The following ADAT2 variants were observed in gnomAD, a reference collection of about 807,000 sequenced individuals.
ADAT2 encodes tRNA-specific adenosine-34 deaminase catalytic subunit ADAT2.
Under a neutral mutation model 25.9 loss-of-function variants are expected in ADAT2, and 26 were observed. The ratio of observed to expected loss-of-function variants is 1.00; its 90% CI spans 0.74 to 1.39. The LOEUF (loss-of-function observed/expected upper bound fraction) is 1.39. Ranked by LOEUF, ADAT2 falls within the 40% of genes most tolerant of loss-of-function variation. The pLI, the probability that ADAT2 is intolerant of heterozygous loss-of-function variation, is 0.00. For synonymous variants in ADAT2, 76 were observed against 86.8 expected, an observed-to-expected ratio of 0.88 and a Z score of 0.69; for missense variants, 220 against 244.8, an observed-to-expected ratio of 0.90 and a Z score of 0.68.
Position 143,428,729 on chromosome 6 carries a change from T to C in ADAT2, c.460-45A>G. On this transcript the variant is annotated intron_variant, in intron 4 of 5. Coordinates refer to ENST00000237283, the MANE Select transcript of ADAT2 (RefSeq NM_182503.3). This position sits in a 1 kb window ranked among gnomAD's most constrained non-coding sequence, Gnocchi z 5.0. ...GAGAATAAACATAGGCCTATGAAAA[T>C]GTGTGCTGTATCCCATAAAAACAAC... is the stretch of plus-strand genomic sequence containing the variant. 1.9e-6 allele frequency: 3 copies of C among 1,571,986 alleles called. No individual in the cohort carries two copies. Among genetic ancestry groups the C allele is most frequent in the Non-Finnish European group, 2.6e-6 (3 of 1,144,806 alleles).
In ADAT2 at chr6:143,432,206, C is replaced by T. The variant is rs9321911; in HGVS notation, c.459+299G>A. Among the ~76,000 whole-genome samples the T allele has an allele frequency of 0.28, 42,855 of 152,020 alleles. 6,289 individuals are homozygous for T. Among genetic ancestry groups the T allele is most frequent in the Admixed American group, 0.32 (4,892 of 15,276 alleles). On this transcript the variant is annotated intron_variant, in intron 4 of 5. Coordinates refer to ENST00000237283, the MANE Select transcript of ADAT2 (RefSeq NM_182503.3). The surrounding 1 kb of genome is among the most constrained non-coding windows in gnomAD (Gnocchi z 4.4). ...GTTCATTGAATAAAAACTCCAACAG[C>T]GAGAGTGTCTTCAGGCATACCTAAC...
rs781130919 is a variant in ADAT2, at chr6:143,432,498, G to A, written c.459+7C>T. On this transcript the variant is annotated splice_region_variant and intron_variant, in intron 4 of 5. Coordinates refer to ENST00000237283, the MANE Select transcript of ADAT2 (RefSeq NM_182503.3). This position sits in a 1 kb window ranked among gnomAD's most constrained non-coding sequence, Gnocchi z 4.4. Reference sequence around the variant, plus strand: ...AAGAAAGAAAAAGCATAAGCAGTTTGTATTACCTGAAATGGTCTCCCAGTG... The same window carrying A: ...AAGAAAGAAAAAGCATAAGCAGTTTATATTACCTGAAATGGTCTCCCAGTG... The A allele has an allele frequency of 6.2e-7, 1 of 1,610,908 alleles. No individual in the cohort carries two copies. The highest frequency in any genetic ancestry group is 1.7e-4 in the Middle Eastern group (1 of 6,060).
chr6:143,438,815 C>A, intron 1 of ADAT2, 121 bp from the exon 2 acceptor site: 2 of 776,456 alleles, frequency 2.6e-6, no homozygotes, highest in South Asian at 1.6e-5. Flanking sequence ...AGAAGTGCAG[C>A]CTTCCCTTTT....
chr6:143,427,096 A>AACAC lies in ADAT2; in HGVS notation c.*1363_*1366dup, dbSNP rs68003531. ...CCATAAAACTTTTCAAATGCAGTTA[A>AACAC]ACACACACACACACACACACACACA... On this transcript the variant is annotated 3_prime_UTR_variant, in exon 6 of 6. Transcript: ENST00000237283. 41,132 of 140,104 alleles carry AACAC rather than the reference A, an allele frequency of 0.29. 6,038 individuals are homozygous for AACAC. Among genetic ancestry groups the AACAC allele is most frequent in the East Asian group, 0.43 (2,040 of 4,708 alleles). 8.7% of individuals were successfully genotyped at this position (140,104 alleles called of 1,614,324 possible).
intron 1 of ADAT2, chr6:143,441,698 T>A (rs532576646): frequency 7.2e-5 from 11 of 152,286 alleles, no homozygotes; most frequent in African/African-American, 2.4e-4. Context: ...AATTTCAACA[T>A]GAAATTTGGA....
intron 1 of ADAT2, chr6:143,449,825 C>G (rs562996867): frequency 7.2e-5 from 11 of 152,356 alleles, no homozygotes; most frequent in African/African-American, 2.4e-4. Flanking sequence ...CTCCATACCA[C>G]CCTGAATGTC....
rs748747895 is a variant in ADAT2 at position 143,450,571 on chromosome 6, T to C, written c.88A>G (p.Met30Val). The C allele has an allele frequency of 3.5e-5, 56 of 1,613,976 alleles. No individual in the cohort carries two copies. Among genetic ancestry groups the C allele is most frequent in the Non-Finnish European group, 4.2e-5 (50 of 1,180,022 alleles). The change falls in exon 1 of 6, where the codon ATG becomes GTG. Residue 30 changes from methionine to valine, a missense_variant. Transcript: ENST00000237283. ...EETEKWMEEAMHMAKEALENT... is the reference protein window; with the variant it reads ...EETEKWMEEAVHMAKEALENT... ...CCTCCCGGGCTCCTCACCATGTGCATCGCCTCCTCCATCCACTTTTCGGTC... is the reference window on the plus strand; with the variant it reads ...CCTCCCGGGCTCCTCACCATGTGCACCGCCTCCTCCATCCACTTTTCGGTC...
chr6:143,450,252 T>A (rs945275478), intron 1 of ADAT2, among the ~76,000 whole-genome samples: 1 of 152,026 alleles, frequency 6.6e-6, no homozygotes, highest in Non-Finnish European at 1.5e-5. Flanking sequence ...ACTTTGTAGA[T>A]TGGAGAGTGT....
rs941595205 is a variant in ADAT2 at position 143,440,252 on chromosome 6, A to C, written c.97-1558T>G. On this transcript the variant is annotated intron_variant, in intron 1 of 5. Transcript: ENST00000237283. The surrounding 1 kb of genome is among the most constrained non-coding windows in gnomAD (Gnocchi z 4.5). ...GATTCTCACTTAAGTGCAGGTACTT[A>C]CACACATCATAGGGCATATAAAGTG... Among the ~76,000 whole-genome samples, 1 of 152,200 alleles carries C rather than the reference A, an allele frequency of 6.6e-6. No homozygotes were observed. The highest frequency in any genetic ancestry group is 6.5e-5 in the Admixed American group (1 of 15,290).
At chr6:143,438,487 A>G in intron 2 of ADAT2, 103 bp downstream of exon 2, 2 of 759,974 alleles carry the variant, frequency 2.6e-6, no homozygotes, top group Non-Finnish European at 4.3e-6. Context: ...ACTGGCAGCT[A>G]CGGGACTATA....
chr6:143,432,450 A>T lies in ADAT2; in HGVS notation c.459+55T>A. The T allele has an allele frequency of 1.3e-5, 20 of 1,493,814 alleles. No individual in the cohort carries two copies. The highest frequency in any genetic ancestry group is 1.9e-5 in the Non-Finnish European group (20 of 1,071,836). 92.5% of individuals were successfully genotyped at this position (1,493,814 alleles called of 1,614,324 possible). A position where few individuals can be genotyped will look rare whatever the true frequency, so the allele number is the denominator to read the frequency against. ...CCACACACTAGTTATTCACAAGCCC[A>T]TAAAGAGATGAAAATAATTAGCAAG... On this transcript the variant is annotated intron_variant, in intron 4 of 5. Transcript: ENST00000237283. The surrounding 1 kb of genome is among the most constrained non-coding windows in gnomAD (Gnocchi z 4.4).
intron 1 of ADAT2, among the ~76,000 whole-genome samples, chr6:143,439,836 A>AAGTAT (rs1329533810): frequency 2.6e-5 from 4 of 152,226 alleles, no homozygotes; most frequent in African/African-American, 9.6e-5. Flanking sequence ...ACTGTATATA[A>AAGTAT]AGTATACCTC....
At chr6:143,441,993 A>G (rs773717713) in intron 1 of ADAT2, 1 of 152,244 alleles carries the variant, frequency 6.6e-6, no homozygotes, top group African/African-American at 2.4e-5. Flanking sequence ...ATAGTTTGGC[A>G]GTTTCTTAAA....
At position 143,432,788 on chromosome 6, in the gene ADAT2, T is replaced by C. The variant is rs1319242505; in HGVS notation, c.353-177A>G. ...ATCCAGCTACACAGAAGAAAAGGGGTTAAAGTATTGAGAAATTGACATTTA... is the reference window on the plus strand; with the variant it reads ...ATCCAGCTACACAGAAGAAAAGGGGCTAAAGTATTGAGAAATTGACATTTA... On this transcript the variant is annotated intron_variant, in intron 3 of 5. Coordinates refer to ENST00000237283, the MANE Select transcript of ADAT2 (RefSeq NM_182503.3). The surrounding 1 kb of genome is among the most constrained non-coding windows in gnomAD (Gnocchi z 4.4). Among the ~76,000 whole-genome samples the C allele has an allele frequency of 1.3e-5, 2 of 152,048 alleles. No individual in the cohort carries two copies. Among genetic ancestry groups the C allele is most frequent in the Non-Finnish European group, 2.9e-5 (2 of 67,992 alleles).
rs1779589170 is a variant in ADAT2 at position 143,446,035 on chromosome 6, C to T, written c.96+4528G>A. Among the ~76,000 whole-genome samples the T allele has an allele frequency of 6.9e-6, 1 of 145,676 alleles. No individual in the cohort carries two copies. The highest frequency in any genetic ancestry group is 2.2e-4 in the South Asian group (1 of 4,620). On this transcript the variant is annotated intron_variant, in intron 1 of 5. Coordinates refer to ENST00000237283, the MANE Select transcript of ADAT2 (RefSeq NM_182503.3). The surrounding 1 kb of genome is among the most constrained non-coding windows in gnomAD (Gnocchi z 5.0). ...TCCTAATTATAAAGTAAGATGTGTT[C>T]AAGGTGGAGAACTTAGCGATTAAAA... is the stretch of plus-strand genomic sequence containing the variant.
chr6:143,427,149 A>G lies in ADAT2; in HGVS notation c.*1314T>C, dbSNP rs1463583350. 1 of 152,200 alleles carries G rather than the reference A, an allele frequency of 6.6e-6. No homozygotes were observed. The highest frequency in any genetic ancestry group is 1.5e-5 in the Non-Finnish European group (1 of 68,016). 9.4% of individuals were successfully genotyped at this position (152,200 alleles called of 1,614,324 possible). On this transcript the variant is annotated 3_prime_UTR_variant, in exon 6 of 6. Transcript: ENST00000237283. ...CACACACACACAAAACCAAGCAATT[A>G]TAAGTCCTCTGAAGCATGTAACTGT... is the stretch of plus-strand genomic sequence containing the variant.
chr6:143,443,417 G>GT (rs1779515864), intron 1 of ADAT2, among the ~76,000 whole-genome samples: 1 of 152,164 alleles, frequency 6.6e-6, no homozygotes, highest in Non-Finnish European at 1.5e-5. Flanking sequence ...TGGCAAGAGA[G>GT]TGAGACATGG....
intron 3 of ADAT2, among the ~76,000 whole-genome samples, chr6:143,433,253 C>T (rs1305481140): frequency 6.6e-6 from 1 of 152,076 alleles, no homozygotes; most frequent in Non-Finnish European, 1.5e-5. Context: ...TTAAAAAGAT[C>T]TTTAGAAGTC....
chr6:143,430,563 C>T (rs956248025), intron 4 of ADAT2, among the ~76,000 whole-genome samples: 8 of 140,652 alleles, frequency 5.7e-5, no homozygotes, highest in Non-Finnish European at 1.1e-4. Context: ...AGCAAACATT[C>T]ATAATAATTT....
Sources: gnomAD v4.1 joint callset for allele counts (sites outside exome capture counted in the v4.1 genomes callset) on GRCh38, gnomAD v4.1.1 for gene constraint, Gnocchi (gnomAD v3.1) non-coding constraint, MANE v1.5 for transcripts, NCBI Gene and HGNC (gene_info 2026-07-23, HGNC 2026-07-21) for gene names.